The following NFU1 variants were observed in gnomAD, a reference collection of about 807,000 sequenced individuals.
The protein encoded by NFU1 is NFU1 iron-sulfur cluster scaffold homolog, mitochondrial.
Under a neutral mutation model 32.2 loss-of-function variants are expected in NFU1, and 30 were observed. That is an observed-to-expected ratio of 0.93 (90% CI 0.70 to 1.26). The LOEUF is 1.26. NFU1 is among the 50% of genes most tolerant of loss of function. NFU1 has a pLI of 0.00. For synonymous variants in NFU1, 112 were observed against 104.6 expected (o/e 1.07, Z -0.43); for missense variants, 306 against 306.6 (o/e 1.00, Z 0.02).
chr2:69,399,936 G>A (rs977869078), intron 7 of NFU1, among the ~76,000 whole-genome samples: 16 of 151,508 alleles, frequency 1.1e-4, no homozygotes, highest in African/African-American at 3.2e-4. Context: ...GCAATGGCGC[G>A]ATCTCGGCTC....
chr2:69,433,971 A>G (rs1332844816), intron 1 of NFU1, among the ~76,000 whole-genome samples: 1 of 144,078 alleles, frequency 6.9e-6, no homozygotes, highest in African/African-American at 2.6e-5. Context: ...TCTGGTAGAG[A>G]TGGATTACCA....
chr2:69,406,026 T>C lies in NFU1; in HGVS notation c.541A>G (p.Ile181Val). ...GGTAGAGAGAGGAGCACGTACCGTA[T>C]TCTAGTATCTAACAATTCCTTAATC... ...AMIKELLDTR[I>V]RPTVQEDGGD... is the part of the protein sequence containing the mutation. Residue 181 changes from isoleucine (I) to valine (V), a missense_variant, in exon 6 of 8, where the codon ATA (isoleucine) becomes GTA (valine). Transcript: ENST00000410022. The C allele has an allele frequency of 6.3e-7, 1 of 1,591,686 alleles. No homozygotes were observed. Among genetic ancestry groups the C allele is most frequent in the Non-Finnish European group, 8.6e-7 (1 of 1,160,586 alleles).
chr2:69,400,705 A>ATT (rs61684281), intron 6 of NFU1, among the ~76,000 whole-genome samples, 167 bp from the exon 7 acceptor site: 11 of 149,980 alleles, frequency 7.3e-5, no homozygotes, highest in African/African-American at 9.8e-5. Flanking sequence ...TTAGAATTAA[A>ATT]TTTTTTTTTT....
At chr2:69,433,090 CAGTGAGCCGAGATCGT>C (rs1673701028) in intron 1 of NFU1, among the ~76,000 whole-genome samples, 4 of 18,438 alleles carry the variant, frequency 2.2e-4, no homozygotes. Flanking sequence ...GCGTAGGTTG[CAGTGAGCCGAGATCGT>C]GCCACTGCAC....
chr2:69,404,864 C>T (rs1672646781), intron 6 of NFU1, among the ~76,000 whole-genome samples: 1 of 149,988 alleles, frequency 6.7e-6, no homozygotes, highest in African/African-American at 2.4e-5. Flanking sequence ...AGGTGATCCA[C>T]CTACCTCCGC....
chr2:69,421,706 T>C (rs1673250157), intron 3 of NFU1, among the ~76,000 whole-genome samples: 1 of 151,670 alleles, frequency 6.6e-6, no homozygotes, highest in Non-Finnish European at 1.5e-5. Flanking sequence ...TGGCTAGGAC[T>C]ACAGGCGCCC....
At chr2:69,438,783 A>C (rs572312908), upstream of NFU1, among the ~76,000 whole-genome samples, 128 of 152,010 alleles carry the variant, frequency 8.4e-4, 1 homozygote, top group African/African-American at 3.0e-3. Flanking sequence ...CCGCACACTG[A>C]GTGGGCTGTG....
chr2:69,409,585 G>C (rs534685205), intron 5 of NFU1, among the ~76,000 whole-genome samples: 1 of 152,312 alleles, frequency 6.6e-6, no homozygotes, highest in South Asian at 2.1e-4. Context: ...GGTTGATTCT[G>C]ATGTCTAGAA....
chr2:69,438,225 G>A (rs891666609), upstream of NFU1, among the ~76,000 whole-genome samples: 1 of 151,922 alleles, frequency 6.6e-6, no homozygotes, highest in Non-Finnish European at 1.5e-5. Flanking sequence ...CTGTAGGTGG[G>A]GACTAGAAAT....
At chr2:69,433,867 A>C (rs1265231093) in intron 1 of NFU1, among the ~76,000 whole-genome samples, 1 of 151,350 alleles carries the variant, frequency 6.6e-6, no homozygotes, top group Non-Finnish European at 1.5e-5. Context: ...TCAACATCCT[A>C]GGCTCAAGTG....
chr2:69,423,126 A>C (rs1424099372), intron 3 of NFU1, among the ~76,000 whole-genome samples: 3 of 122,510 alleles, frequency 2.4e-5, no homozygotes, highest in Admixed American at 8.3e-5. Context: ...AGAGGTACAC[A>C]CCATCACACT....
At chr2:69,432,904 C>A (rs943713923) in intron 1 of NFU1, among the ~76,000 whole-genome samples, 1 of 151,676 alleles carries the variant, frequency 6.6e-6, no homozygotes, top group Non-Finnish European at 1.5e-5. Flanking sequence ...AATGCCAGCA[C>A]TTTGGGAGGC....
chr2:69,405,106 G>A (rs1672654933), intron 6 of NFU1, among the ~76,000 whole-genome samples: 1 of 152,012 alleles, frequency 6.6e-6, no homozygotes, highest in East Asian at 1.9e-4. Context: ...AATTAGCTGG[G>A]TGTGGTGGCC....
intron 6 of NFU1, among the ~76,000 whole-genome samples, chr2:69,404,384 C>T (rs1672625471): frequency 1.3e-5 from 2 of 149,334 alleles, no homozygotes; most frequent in South Asian, 4.3e-4. Context: ...CCCAGCTACT[C>T]AGGAGGCTGA....
At chr2:69,439,356 G>A (rs1401411835), upstream of NFU1, among the ~76,000 whole-genome samples, 2 of 152,270 alleles carry the variant, frequency 1.3e-5, no homozygotes, top group African/African-American at 4.8e-5. Flanking sequence ...TCCAGAGTCT[G>A]TTCCTTCAGA....
chr2:69,422,626 G>T (rs949238062), intron 3 of NFU1, among the ~76,000 whole-genome samples: 3 of 151,898 alleles, frequency 2.0e-5, no homozygotes, highest in Non-Finnish European at 4.4e-5. Context: ...TTTTTCTTAA[G>T]TAAAAATATA....
At position 69,437,383 on chromosome 2, in the gene NFU1, C is replaced by G. The variant is rs749009548; in HGVS notation, c.40G>C (p.Val14Leu). 12 of 1,609,102 alleles carry G rather than the reference C, an allele frequency of 7.5e-6. No individual in the cohort carries two copies. In the South Asian group the frequency reaches 8.8e-5, roughly 12 times the overall value. The part of the protein sequence containing the change: ...TARRGWGAAA[V>L]AAGLRRRFCH... ...TACCGCCTGCGCAGCCCGGCGGCAA[C>G]AGCCGCAGCTCCCCAGCCCCGCCTG... Residue 14 changes from valine to leucine, a missense_variant, in exon 1 of 8, where the codon GTT (valine) becomes CTT (leucine). Coordinates refer to ENST00000410022, the MANE Select transcript of NFU1 (RefSeq NM_001002755.4).
rs776868352 is a variant in NFU1 at position 69,423,629 on chromosome 2, G to A, written c.255C>T (p.Thr85=). ...CTGCAGCTGGGGTGGGAAAATCCAT[G>A]GTCCTTGTCTCAAGAACTGGTTTTC... ...IPGKPVLETR[T]MDFPTPAAAF... Residue 85 remains threonine, a synonymous_variant, in exon 3 of 8, where the codon ACC becomes ACT. Coordinates refer to ENST00000410022, the MANE Select transcript of NFU1 (RefSeq NM_001002755.4). The A allele has an allele frequency of 5.0e-6, 8 of 1,613,576 alleles. No homozygotes were observed. In the Admixed American group the frequency reaches 1.0e-4, roughly 20 times the overall value.
At chr2:69,403,427 A>T (rs4362604) in intron 6 of NFU1, among the ~76,000 whole-genome samples, 1 of 150,984 alleles carries the variant, frequency 6.6e-6, no homozygotes, top group Non-Finnish European at 1.5e-5. Context: ...GTCTTGTTCT[A>T]TCTCCTTGAC....
Sources: allele counts gnomAD v4.1 joint callset (sites outside exome capture counted in the v4.1 genomes callset), GRCh38; gene constraint gnomAD v4.1.1; transcripts MANE v1.5; gene names NCBI Gene and HGNC (gene_info 2026-07-23, HGNC 2026-07-21).